The following GRM3 variants were observed in gnomAD, a reference collection of about 807,000 sequenced individuals.
GRM3 encodes glutamate metabotropic receptor 3.
A neutral mutation model predicts 70.5 loss-of-function variants in GRM3; 26 were observed. The observed-to-expected ratio is 0.37, with a 90% confidence interval of 0.27 to 0.51. The LOEUF is 0.51. Among genes scored for constraint, GRM3 ranks in the 20% least tolerant of loss-of-function variants. The probability of loss-of-function intolerance (pLI) is 0.93; values close to 1 mark genes in which losing one functional copy is unlikely to be tolerated. For missense variants in GRM3, 859 were observed against 1,123.8 expected (o/e 0.76, Z 3.37); for synonymous variants, 443 against 434.9 (o/e 1.02, Z -0.23).
At chr7:86,706,690 G>C (rs1795065193) in intron 1 of GRM3, among the ~76,000 whole-genome samples, 1 of 151,828 alleles carries the variant, frequency 6.6e-6, no homozygotes, top group African/African-American at 2.4e-5. Flanking sequence ...AGAGAGGAGA[G>C]GTTACTCTAG....
chr7:86,765,138 C>G lies in GRM3; in HGVS notation c.-8C>G. ...TTGATATCTCCCAGAGGTACAGAAA[C>G]AGGATTCATGAAGATGTTGACAAGA... On this transcript the variant is annotated 5_prime_UTR_variant, in exon 2 of 6. Coordinates refer to ENST00000361669, the MANE Select transcript of GRM3 (RefSeq NM_000840.3). The G allele has an allele frequency of 1.3e-6, 2 of 1,557,808 alleles. No individual in the cohort carries two copies. Among genetic ancestry groups the G allele is most frequent in the Non-Finnish European group, 1.7e-6 (2 of 1,156,782 alleles).
At chr7:86,836,491 A>T (rs1290553797) in intron 3 of GRM3, among the ~76,000 whole-genome samples, 1 of 152,240 alleles carries the variant, frequency 6.6e-6, no homozygotes, top group East Asian at 1.9e-4. Context: ...GTAAAAATAT[A>T]CATTACAAAA....
intron 1 of GRM3, among the ~76,000 whole-genome samples, chr7:86,650,449 A>C (rs1479656042): frequency 6.6e-6 from 1 of 152,104 alleles, no homozygotes; most frequent in Admixed American, 6.6e-5. Flanking sequence ...ATGCTTTGGT[A>C]AGGAGGGCAA....
chr7:86,738,765 A>T (rs537313238), intron 1 of GRM3, among the ~76,000 whole-genome samples: 1 of 152,234 alleles, frequency 6.6e-6, no homozygotes, highest in Non-Finnish European at 1.5e-5. Flanking sequence ...AAACCCAAGT[A>T]ATTATTTTTA....
At chr7:86,814,818 G>C (rs1047363104) in intron 3 of GRM3, among the ~76,000 whole-genome samples, 1 of 150,684 alleles carries the variant, frequency 6.6e-6, no homozygotes. Context: ...CACTTTCAGC[G>C]CCAGTCATTT....
At chr7:86,792,598 C>G (rs1407271500) in intron 3 of GRM3, among the ~76,000 whole-genome samples, 1 of 152,124 alleles carries the variant, frequency 6.6e-6, no homozygotes, top group East Asian at 1.9e-4. Context: ...ATGCCAAGGT[C>G]CTGATTTAGT....
At chr7:86,796,963 C>T (rs747267062) in intron 3 of GRM3, among the ~76,000 whole-genome samples, 2 of 152,216 alleles carry the variant, frequency 1.3e-5, no homozygotes, top group Non-Finnish European at 2.9e-5. Context: ...CTCTTGCCTG[C>T]TGCCATGTAA....
At chr7:86,777,573 T>C (rs1796926490) in intron 2 of GRM3, among the ~76,000 whole-genome samples, 1 of 152,176 alleles carries the variant, frequency 6.6e-6, no homozygotes, top group Non-Finnish European at 1.5e-5. Context: ...TATACTTCAT[T>C]ATACGATTTC....
chr7:86,851,006 G>T (rs1245833415), intron 5 of GRM3, among the ~76,000 whole-genome samples: 2 of 152,034 alleles, frequency 1.3e-5, no homozygotes, highest in Admixed American at 6.6e-5. Flanking sequence ...ATTAAAAGGG[G>T]AAGATAATAA....
At chr7:86,697,439 G>C (rs59518261) in intron 1 of GRM3, among the ~76,000 whole-genome samples, 3,981 of 152,126 alleles carry the variant, frequency 0.026, 157 homozygotes, top group African/African-American at 0.09. Flanking sequence ...ACACTTAACT[G>C]TCAGGGAGTG....
At chr7:86,816,625 C>T (rs1360129567) in intron 3 of GRM3, among the ~76,000 whole-genome samples, 4 of 151,900 alleles carry the variant, frequency 2.6e-5, no homozygotes, top group Non-Finnish European at 5.9e-5. Flanking sequence ...GATATGATCT[C>T]GTTCCTTTTT....
chr7:86,838,474 G>A (rs1339822298), intron 3 of GRM3, among the ~76,000 whole-genome samples: 1 of 152,254 alleles, frequency 6.6e-6, no homozygotes, highest in Non-Finnish European at 1.5e-5. Context: ...TAATAAGAAT[G>A]AGACACAATG....
rs111382122 is a variant in GRM3 at position 86,672,241 on chromosome 7, G to A, written c.-141+27369G>A. Among the ~76,000 whole-genome samples, 1,027 of 152,262 alleles carry A rather than the reference G, an allele frequency of 6.7e-3. 18 individuals carry two copies. Among genetic ancestry groups the A allele is most frequent in the African/African-American group, 0.023 (963 of 41,572 alleles). Reference sequence around the variant, plus strand: ...AGGATTGTTGACTCTTAGGAAGCCTGTAGTGGAGAAGGGATTAAAACTAGC... The same window carrying A: ...AGGATTGTTGACTCTTAGGAAGCCTATAGTGGAGAAGGGATTAAAACTAGC... On this transcript the variant is annotated intron_variant, in intron 1 of 5. Coordinates refer to ENST00000361669, the MANE Select transcript of GRM3 (RefSeq NM_000840.3).
Position 86,864,411 on chromosome 7 carries a change from G to A in GRM3, c.*56G>A, listed in dbSNP as rs780683065. The A allele has an allele frequency of 6.0e-6, 7 of 1,171,444 alleles. No individual in the cohort carries two copies. The highest frequency in any genetic ancestry group is 2.3e-5 in the East Asian group (1 of 42,810). 72.6% of individuals were successfully genotyped at this position (1,171,444 alleles called of 1,614,324 possible). ...TAGACTGTTAGACAAAAGTGCTCAC[G>A]TGCAGCTCCAGAATATGGAAACAGA... On this transcript the variant is annotated 3_prime_UTR_variant, in exon 6 of 6. Transcript: ENST00000361669.
rs548926385 is a variant in GRM3, at chr7:86,739,693, G to A, written c.-140-25313G>A. Among the ~76,000 whole-genome samples, 93 of 152,258 alleles carry A rather than the reference G, an allele frequency of 6.1e-4. 1 individual carries two copies. The highest frequency in any genetic ancestry group is 2.1e-3 in the African/African-American group (89 of 41,558). On this transcript the variant is annotated intron_variant, in intron 1 of 5. Coordinates refer to ENST00000361669, the MANE Select transcript of GRM3 (RefSeq NM_000840.3). Reference sequence around the variant, plus strand: ...AATTCGTAGTTTAACAAGCCTTCCAGGTGATTCTAATCATGCTTAAATTTG... The same window carrying A: ...AATTCGTAGTTTAACAAGCCTTCCAAGTGATTCTAATCATGCTTAAATTTG...
intron 1 of GRM3, among the ~76,000 whole-genome samples, chr7:86,654,382 CTG>C (rs1793681446): frequency 6.6e-6 from 1 of 152,200 alleles, no homozygotes; most frequent in South Asian, 2.1e-4. Context: ...AGAGACAAAA[CTG>C]TTAAACTGTT....
At chr7:86,747,479 A>G (rs1213137518) in intron 1 of GRM3, among the ~76,000 whole-genome samples, 7 of 152,124 alleles carry the variant, frequency 4.6e-5, no homozygotes, top group African/African-American at 1.4e-4. Flanking sequence ...AATCTTATAC[A>G]TAAATCAAAG....
Position 86,841,543 on chromosome 7 carries a change from AT to A in GRM3, c.2391+1647del, listed in dbSNP as rs199555696. Among the ~76,000 whole-genome samples the A allele has an allele frequency of 5.9e-5, 9 of 151,502 alleles. No individual in the cohort carries two copies. In the East Asian group the frequency reaches 1.2e-3, roughly 20 times the overall value. On this transcript the variant is annotated intron_variant, in intron 4 of 5. Transcript: ENST00000361669. ...ACATCTAGTCCCATATATCTGTAGG[AT>A]TTTTTTTTAAGTTTTTAGGAAGCCA...
intron 5 of GRM3, among the ~76,000 whole-genome samples, chr7:86,862,637 T>A (rs919465502): frequency 2.0e-5 from 3 of 152,132 alleles, no homozygotes; most frequent in Non-Finnish European, 4.4e-5. Context: ...ATGACTCCAG[T>A]GTAACTTGAG....
Sources: gnomAD v4.1 joint callset for allele counts (sites outside exome capture counted in the v4.1 genomes callset) on GRCh38, gnomAD v4.1.1 for gene constraint, MANE v1.5 for transcripts, NCBI Gene and HGNC (gene_info 2026-07-23, HGNC 2026-07-21) for gene names.